PDGFD: variants seen among roughly 807,000 people sequenced by gnomAD.
PDGFD encodes the protein platelet-derived growth factor D.
Under a neutral mutation model 44.7 loss-of-function variants are expected in PDGFD, and 30 were observed. The ratio of observed to expected loss-of-function variants is 0.67; its 90% confidence interval spans 0.50 to 0.91. The LOEUF (loss-of-function observed/expected upper bound fraction) is 0.91, where lower values mean the gene tolerates loss of function less well. Among genes scored for constraint, PDGFD ranks in the 40% least tolerant of loss-of-function variants. The pLI, the probability that PDGFD is intolerant of heterozygous loss-of-function variation, is 0.00. For missense variants in PDGFD, 445 were observed against 457.8 expected (o/e 0.97, Z 0.25); for synonymous variants, 173 against 168.4 (o/e 1.03, Z -0.21).
At chr11:103,968,666 A>C (rs1298870879) in intron 3 of PDGFD, among the ~76,000 whole-genome samples, 1 of 152,174 alleles carries the variant, frequency 6.6e-6, no homozygotes, top group Non-Finnish European at 1.5e-5. Context: ...CAGCCTCCTA[A>C]ATAAACAGTC....
chr11:103,926,331 G>A (rs920611972), intron 6 of PDGFD, among the ~76,000 whole-genome samples: 2 of 152,116 alleles, frequency 1.3e-5, no homozygotes, highest in Non-Finnish European at 1.5e-5. Flanking sequence ...TTAAGTTTTT[G>A]TTCCTCCTAT....
chr11:104,095,221 T>C (rs1861266736), intron 1 of PDGFD, among the ~76,000 whole-genome samples: 1 of 152,150 alleles, frequency 6.6e-6, no homozygotes, highest in African/African-American at 2.4e-5. Context: ...TGTTTGTTTG[T>C]TCTCTCTTCA....
chr11:103,935,751 A>G (rs1330256883), intron 5 of PDGFD, among the ~76,000 whole-genome samples: 2 of 152,204 alleles, frequency 1.3e-5, no homozygotes, highest in East Asian at 3.8e-4. Context: ...AAATAATAAC[A>G]GTAGCTATCA....
intron 3 of PDGFD, among the ~76,000 whole-genome samples, chr11:103,950,502 G>A (rs1858737318): frequency 1.3e-5 from 2 of 151,874 alleles, no homozygotes; most frequent in East Asian, 1.9e-4. Flanking sequence ...GGCGGAGGTT[G>A]CAGTGGGCCA....
intron 1 of PDGFD, among the ~76,000 whole-genome samples, chr11:104,052,223 GC>G (rs763548838): frequency 1.3e-4 from 20 of 152,138 alleles, no homozygotes; most frequent in Non-Finnish European, 2.6e-4. Context: ...AAGCCAACAT[GC>G]TTTTAAACTG....
At chr11:103,913,246 T>C (rs1858059717) in intron 6 of PDGFD, among the ~76,000 whole-genome samples, 1 of 152,132 alleles carries the variant, frequency 6.6e-6, no homozygotes, top group South Asian at 2.1e-4. Flanking sequence ...ACCATGTAAT[T>C]TTAAGTAAAA....
intron 1 of PDGFD, among the ~76,000 whole-genome samples, chr11:104,030,657 A>G (rs755780422): frequency 7.9e-5 from 12 of 152,234 alleles, no homozygotes; most frequent in Non-Finnish European, 1.6e-4. Context: ...CCATTTGGTT[A>G]TAGATCCACC....
intron 1 of PDGFD, among the ~76,000 whole-genome samples, chr11:104,151,451 T>C (rs1236797708): frequency 1.3e-5 from 2 of 152,132 alleles, no homozygotes; most frequent in Non-Finnish European, 2.9e-5. Flanking sequence ...TAATGATAGG[T>C]TCCCATTGTT....
intron 1 of PDGFD, among the ~76,000 whole-genome samples, chr11:104,136,444 T>C (rs1862005699): frequency 6.6e-6 from 1 of 152,066 alleles, no homozygotes; most frequent in African/African-American, 2.4e-5. Context: ...CTAAAAACAA[T>C]AGTATATGCC....
At chr11:103,912,845 A>G (rs1163040908) in intron 6 of PDGFD, among the ~76,000 whole-genome samples, 1 of 152,172 alleles carries the variant, frequency 6.6e-6, no homozygotes. Flanking sequence ...AGTCTCTGAT[A>G]AAACAGACTT....
At chr11:103,968,462 G>C (rs1735766084) in intron 3 of PDGFD, among the ~76,000 whole-genome samples, 1 of 152,160 alleles carries the variant, frequency 6.6e-6, no homozygotes, top group African/African-American at 2.4e-5. Flanking sequence ...TCGTCGTCCT[G>C]TGTTCCCTTT....
intron 3 of PDGFD, among the ~76,000 whole-genome samples, chr11:103,983,319 A>G (rs1047354557): frequency 6.6e-6 from 1 of 151,848 alleles, no homozygotes; most frequent in Non-Finnish European, 1.5e-5. Context: ...GGCAATGGGG[A>G]AAGGATTCTC....
At chr11:104,063,847 G>T (rs1860749068) in intron 1 of PDGFD, among the ~76,000 whole-genome samples, 1 of 152,144 alleles carries the variant, frequency 6.6e-6, no homozygotes, top group Non-Finnish European at 1.5e-5. Context: ...CTGACATATG[G>T]AGATTACAAT....
rs911574232 is a variant in PDGFD at position 103,996,261 on chromosome 11, C to T, written c.330-16G>A. 3 of 1,584,752 alleles carry T rather than the reference C, an allele frequency of 1.9e-6. No individual in the cohort carries two copies. The highest frequency in any genetic ancestry group is 1.4e-5 in the African/African-American group (1 of 73,658). ...AAAATCATACCTAGAATCAATTGGA[C>T]ATAATGAACAAGTTTTGATTAAAGT... is the stretch of plus-strand genomic sequence containing the variant. On this transcript the variant is annotated splice_polypyrimidine_tract_variant and intron_variant, in intron 2 of 6. Transcript: ENST00000393158.
rs533430148 is a variant in PDGFD, at chr11:104,037,463, T to C, written c.125-37208A>G. On this transcript the variant is annotated intron_variant, in intron 1 of 6. Transcript: ENST00000393158. ...CTGGATCGGGAAGCTCAGGCCAAAA[T>C]AGAAGAGGAAATCCGGCAGCAAAAC... is the stretch of plus-strand genomic sequence containing the variant. 10 of 1,613,952 alleles carry C rather than the reference T, an allele frequency of 6.2e-6. No homozygotes were observed. The South Asian group carries it at 8.8e-5, about 14-fold the overall frequency.
chr11:104,113,543 G>A (rs868594616), intron 1 of PDGFD, among the ~76,000 whole-genome samples: 1 of 148,960 alleles, frequency 6.7e-6, no homozygotes, highest in African/African-American at 2.5e-5. Context: ...TTGCTTCCAA[G>A]TTTTGGCAAT....
intron 1 of PDGFD, among the ~76,000 whole-genome samples, chr11:104,075,685 T>C (rs1860946934): frequency 6.6e-6 from 1 of 152,034 alleles, no homozygotes; most frequent in Non-Finnish European, 1.5e-5. Flanking sequence ...ATAACCTTGG[T>C]AGATACCTCC....
At chr11:104,101,473 A>T (rs924943705) in intron 1 of PDGFD, among the ~76,000 whole-genome samples, 1 of 152,160 alleles carries the variant, frequency 6.6e-6, no homozygotes, top group African/African-American at 2.4e-5. Flanking sequence ...AAATGGAAGA[A>T]TCAATATCGT....
rs554357680 is a variant in PDGFD at position 104,147,609 on chromosome 11, G to A, written c.124+16195C>T. 3.3e-5 allele frequency among the ~76,000 whole-genome samples: 5 copies of A among 152,132 alleles called. No individual in the cohort carries two copies. The South Asian group carries it at 8.3e-4, about 25-fold the overall frequency. On this transcript the variant is annotated intron_variant, in intron 1 of 6. Coordinates refer to ENST00000393158, the MANE Select transcript of PDGFD (RefSeq NM_025208.5). ...GGACTGAAATTTTTTAATGCAAAAG[G>A]AGTTTTCATAATATTTTATTGTCCT...
Sources: gnomAD v4.1 joint callset for allele counts (sites outside exome capture counted in the v4.1 genomes callset) on GRCh38, gnomAD v4.1.1 for gene constraint, MANE v1.5 for transcripts, NCBI Gene and HGNC (gene_info 2026-07-23, HGNC 2026-07-21) for gene names.